PCDHA2: variants seen among roughly 807,000 people sequenced by gnomAD.
PCDHA2 encodes the protein protocadherin alpha 2, also known as protocadherin alpha-2.
PCDHA2 carries 58 observed loss-of-function variants against 66.0 expected under a neutral mutation model. The ratio of observed to expected loss-of-function variants is 0.88; its 90% CI spans 0.71 to 1.09. The LOEUF (loss-of-function observed/expected upper bound fraction) is 1.09. PCDHA2 is among the 50% of genes least tolerant of loss of function. The pLI is 0.00. For missense variants in PCDHA2, 1,267 were observed against 1,242.3 expected (o/e 1.02, Z -0.30); for synonymous variants, 634 against 554.0 (o/e 1.14, Z -2.03).
intron 1 of PCDHA2, among the ~76,000 whole-genome samples, chr5:140,891,121 T>C (rs74535477): frequency 0.041 from 6,261 of 152,308 alleles, 144 homozygotes; most frequent in Middle Eastern, 0.061. Context: ...TCAATCTAAA[T>C]GTCATTCCTT....
chr5:140,889,662 C>T (rs1397086074), intron 1 of PCDHA2, among the ~76,000 whole-genome samples: 1 of 151,946 alleles, frequency 6.6e-6, no homozygotes, highest in Admixed American at 6.6e-5. Context: ...GTCCTCTTCC[C>T]AGCCTTTTAT....
chr5:140,889,814 CATA>C (rs1463937516), intron 1 of PCDHA2, among the ~76,000 whole-genome samples: 6 of 152,048 alleles, frequency 3.9e-5, no homozygotes, highest in Non-Finnish European at 7.4e-5. Context: ...GAAGTCAGGT[CATA>C]AGAAGTCTTA....
chr5:140,809,417 G>A, intron 1 of PCDHA2: 1 of 1,614,242 alleles, frequency 6.2e-7, no homozygotes, highest in Non-Finnish European at 8.5e-7. Flanking sequence ...GTGCTCCAGT[G>A]CGGTGGGGAG....
At chr5:141,000,900 G>T (rs1020896392) in intron 3 of PCDHA2, among the ~76,000 whole-genome samples, 4 of 151,614 alleles carry the variant, frequency 2.6e-5, no homozygotes, top group African/African-American at 9.7e-5. Context: ...AGATATAGAC[G>T]CTGTCTCTAA....
Position 140,858,511 on chromosome 5 carries a change from G to A in PCDHA2, c.2388+61159G>A. ...TCTCTTACCGCATTTTCTCAAATAT[G>A]TATCAGAATATTTCATTTTTGTCTA... On this transcript the variant is annotated intron_variant, in intron 1 of 3. Transcript: ENST00000526136. 5 of 1,433,712 alleles carry A rather than the reference G, an allele frequency of 3.5e-6. 1 individual carries two copies. The highest frequency in any genetic ancestry group is 4.8e-6 in the Non-Finnish European group (5 of 1,040,150). 88.8% of individuals were successfully genotyped at this position (1,433,712 alleles called of 1,614,324 possible).
chr5:140,869,450 T>C, intron 1 of PCDHA2: 1 of 1,614,098 alleles, frequency 6.2e-7, no homozygotes, highest in Non-Finnish European at 8.5e-7. Flanking sequence ...CCGCTGCAGG[T>C]TTTCCATGTG....
chr5:140,836,416 C>T (rs2150260250), intron 1 of PCDHA2: 62 of 1,613,794 alleles, frequency 3.8e-5, no homozygotes, highest in Non-Finnish European at 5.0e-5. Context: ...GCACCAAAGG[C>T]GTCGTCGCGG....
chr5:140,882,605 C>T (rs1554174797), intron 1 of PCDHA2: 2 of 1,614,120 alleles, frequency 1.2e-6, no homozygotes, highest in Non-Finnish European at 1.7e-6. Context: ...CGTGGACAGG[C>T]CTCTGCAGGT....
intron 1 of PCDHA2, chr5:140,968,552 C>T (rs370640529): frequency 1.2e-6 from 2 of 1,614,184 alleles, no homozygotes; most frequent in Non-Finnish European, 1.7e-6. Flanking sequence ...GATGGTGCCT[C>T]GAACTGCCCC....
chr5:140,920,559 C>T (rs2153557837), intron 1 of PCDHA2, among the ~76,000 whole-genome samples: 2 of 152,226 alleles, frequency 1.3e-5, no homozygotes, highest in South Asian at 4.1e-4. Context: ...GAAGTGTGGC[C>T]CTTAGGCCAG....
At chr5:140,801,468 G>A in intron 1 of PCDHA2, 1 of 1,614,056 alleles carries the variant, frequency 6.2e-7, no homozygotes, top group South Asian at 1.1e-5. Context: ...TTCTCGGATA[G>A]ACCGCGAGGA....
intron 1 of PCDHA2, among the ~76,000 whole-genome samples, chr5:140,939,289 A>G (rs1186126336): frequency 1.3e-5 from 2 of 152,102 alleles, no homozygotes; most frequent in African/African-American, 4.8e-5. Flanking sequence ...TCGTGATCTA[A>G]TCATCTCTAC....
At chr5:140,883,871 G>A (rs1554180366) in intron 1 of PCDHA2, 2 of 1,613,242 alleles carry the variant, frequency 1.2e-6, no homozygotes, top group African/African-American at 2.7e-5. Context: ...GCAGTTCCAG[G>A]TGAGCGCGCG....
At chr5:140,853,695 C>T (rs376697449) in intron 1 of PCDHA2, 1 of 988,266 alleles carries the variant, frequency 1.0e-6, no homozygotes, top group African/African-American at 1.8e-5. Context: ...CTTAGACCTG[C>T]TAACGCATTA....
intron 1 of PCDHA2, chr5:140,809,789 A>C: frequency 2.1e-6 from 1 of 470,038 alleles, no homozygotes; most frequent in South Asian, 4.2e-5. Context: ...TATTAACAGA[A>C]CTGTAATTTC....
At chr5:140,917,211 C>T (rs938458701) in intron 1 of PCDHA2, among the ~76,000 whole-genome samples, 3 of 151,636 alleles carry the variant, frequency 2.0e-5, no homozygotes, top group Non-Finnish European at 2.9e-5. Context: ...TTCAATGCCT[C>T]TTTTAGTGAT....
intron 1 of PCDHA2, chr5:140,966,646 G>A: frequency 1.8e-6 from 2 of 1,139,684 alleles, no homozygotes; most frequent in Non-Finnish European, 2.3e-6. Flanking sequence ...TTTCTAGAGC[G>A]TGAGCGGTGG....
intron 1 of PCDHA2, chr5:140,848,617 A>C (rs2150415016): frequency 6.3e-7 from 1 of 1,593,554 alleles, no homozygotes; most frequent in South Asian, 1.1e-5. Flanking sequence ...GAAGCCGAAC[A>C]CGGCACCTTC....
At chr5:140,839,581 G>GTAA (rs1206355864) in intron 1 of PCDHA2, among the ~76,000 whole-genome samples, 1 of 151,754 alleles carries the variant, frequency 6.6e-6, no homozygotes, top group Non-Finnish European at 1.5e-5. Flanking sequence ...GTAGAGATGG[G>GTAA]GTCTTACCAT....
Sources: gnomAD v4.1 joint callset for allele counts (sites outside exome capture counted in the v4.1 genomes callset) on GRCh38, gnomAD v4.1.1 for gene constraint, MANE v1.5 for transcripts, NCBI Gene and HGNC (gene_info 2026-07-23, HGNC 2026-07-21) for gene names.